The following MYO16 variants were observed in gnomAD, a reference collection of about 807,000 sequenced individuals.
MYO16 encodes myosin XVI.
A neutral mutation model predicts 205.3 loss-of-function variants in MYO16; 94 were observed. The ratio of observed to expected loss-of-function variants is 0.46; its 90% CI spans 0.39 to 0.54. The LOEUF is 0.54. MYO16 is among the 20% of genes least tolerant of loss of function. The pLI is 0.00. For synonymous variants in MYO16, 988 were observed against 954.0 expected (o/e 1.04, Z -0.66); for missense variants, 2,315 against 2,387.5 (o/e 0.97, Z 0.63).
intron 7 of MYO16, among the ~76,000 whole-genome samples, chr13:108,808,419 C>T (rs1039541923): frequency 6.6e-6 from 1 of 151,546 alleles, no homozygotes; most frequent in South Asian, 2.1e-4. Context: ...TCAAGCAGTT[C>T]TTGTGCCTCA....
At chr13:108,961,785 A>G (rs1883594264) in intron 18 of MYO16, 129 bp downstream of exon 18, 2 of 689,406 alleles carry the variant, frequency 2.9e-6, no homozygotes, top group Non-Finnish European at 5.1e-6. Context: ...GAATTCAGTG[A>G]GGGGGGGAAA....
At chr13:108,504,593 T>C in the MYO16 span, among the ~76,000 whole-genome samples, 3 of 151,974 alleles carry the variant, frequency 2.0e-5, no homozygotes, top group South Asian at 6.2e-4. Flanking sequence ...TGGAGTGCAG[T>C]GGCATGATCT....
chr13:109,022,783 A>G (rs1449332512), intron 23 of MYO16, among the ~76,000 whole-genome samples: 1 of 136,448 alleles, frequency 7.3e-6, no homozygotes, highest in African/African-American at 2.7e-5. Context: ...TATTATATAT[A>G]CACTATGTAA....
At chr13:108,614,428 C>T (rs960134316) in intron 1 of MYO16, among the ~76,000 whole-genome samples, 2 of 152,010 alleles carry the variant, frequency 1.3e-5, no homozygotes, top group Non-Finnish European at 2.9e-5. Flanking sequence ...AATGCAATCC[C>T]TATTAAAACT....
chr13:109,152,409 A>G (rs1877723714), intron 32 of MYO16, among the ~76,000 whole-genome samples: 1 of 152,206 alleles, frequency 6.6e-6, no homozygotes, highest in Non-Finnish European at 1.5e-5. Context: ...TCCAGACAGT[A>G]AAACTCTAAT....
At chr13:108,863,312 T>C (rs1878542414) in intron 11 of MYO16, among the ~76,000 whole-genome samples, 1 of 152,074 alleles carries the variant, frequency 6.6e-6, no homozygotes, top group South Asian at 2.1e-4. Context: ...ATGAAGAAAT[T>C]TGTGGTAGCT....
At chr13:108,806,137 A>C (rs1415281475) in intron 6 of MYO16, among the ~76,000 whole-genome samples, 1 of 151,910 alleles carries the variant, frequency 6.6e-6, no homozygotes, top group Non-Finnish European at 1.5e-5. Context: ...AAGAAACTAA[A>C]ACTGGGAGAA....
chr13:108,576,895 G>C, the MYO16 span, among the ~76,000 whole-genome samples: 4 of 151,950 alleles, frequency 2.6e-5, no homozygotes, highest in African/African-American at 9.7e-5. Context: ...TGAGTAGCTG[G>C]GACTACAGGC....
At chr13:109,067,125 G>A (rs1887774414) in intron 27 of MYO16, among the ~76,000 whole-genome samples, 1 of 152,156 alleles carries the variant, frequency 6.6e-6, no homozygotes. Flanking sequence ...GGTCACCGCT[G>A]TGTACCTGCT....
chr13:109,201,694 C>T (rs966787958), intron 34 of MYO16, among the ~76,000 whole-genome samples: 4 of 151,892 alleles, frequency 2.6e-5, no homozygotes, highest in East Asian at 1.9e-4. Context: ...TTTTGATGCA[C>T]CCATCACCCA....
chr13:109,054,366 GA>G, intron 25 of MYO16: 1 of 351,190 alleles, frequency 2.8e-6, no homozygotes, highest in Non-Finnish European at 5.7e-6. Flanking sequence ...GGAAAGGGAA[GA>G]AAAACATGGT....
intron 28 of MYO16, among the ~76,000 whole-genome samples, chr13:109,114,496 C>T (rs1402204134): frequency 2.6e-5 from 4 of 152,158 alleles, no homozygotes; most frequent in African/African-American, 9.7e-5. Flanking sequence ...ACCTTTTTCT[C>T]TTGAAAACTG....
chr13:108,539,657 C>T, the MYO16 span, among the ~76,000 whole-genome samples: 10,413 of 152,014 alleles, frequency 0.069, 631 homozygotes, highest in African/African-American at 0.16. Context: ...ATGGAGAAAG[C>T]GCTAATCTGG....
intron 1 of MYO16, among the ~76,000 whole-genome samples, chr13:108,659,056 A>G (rs970139): frequency 0.67 from 100,628 of 150,502 alleles, 34,750 homozygotes; most frequent in African/African-American, 0.83. Context: ...ATAAATTTAC[A>G]TATTCTTTTT....
intron 20 of MYO16, among the ~76,000 whole-genome samples, chr13:108,985,580 T>C (rs1443209127): frequency 6.6e-6 from 1 of 152,220 alleles, no homozygotes; most frequent in Non-Finnish European, 1.5e-5. Context: ...GTCAGTGTAT[T>C]TAACTTCATG....
chr13:108,980,777 T>C (rs934246815), intron 20 of MYO16, among the ~76,000 whole-genome samples: 19 of 152,346 alleles, frequency 1.2e-4, no homozygotes, highest in African/African-American at 4.3e-4. Context: ...TGAGAAGTTG[T>C]GAAGCTACGA....
chr13:109,102,224 A>G (rs1888989320), intron 28 of MYO16, among the ~76,000 whole-genome samples: 1 of 152,150 alleles, frequency 6.6e-6, no homozygotes, highest in Non-Finnish European at 1.5e-5. Flanking sequence ...AAGGAGGAAG[A>G]AGGAGGAATT....
intron 1 of MYO16, among the ~76,000 whole-genome samples, chr13:108,623,736 G>T (rs758472345): frequency 6.6e-6 from 1 of 152,066 alleles, no homozygotes; most frequent in Non-Finnish European, 1.5e-5. Context: ...GTTGATCTCT[G>T]AATGTTCACT....
chr13:108,994,743 T>A (rs774933819), intron 21 of MYO16, among the ~76,000 whole-genome samples: 2 of 152,194 alleles, frequency 1.3e-5, no homozygotes, highest in African/African-American at 4.8e-5. Context: ...TGAAATTGTG[T>A]CTGTGCTTTG....
Sources: allele counts gnomAD v4.1 joint callset (sites outside exome capture counted in the v4.1 genomes callset), GRCh38; gene constraint gnomAD v4.1.1; transcripts MANE v1.5; gene names NCBI Gene and HGNC (gene_info 2026-07-23, HGNC 2026-07-21).